The following LRP2 variants were observed in gnomAD, a reference collection of about 807,000 sequenced individuals.
The protein encoded by LRP2 is LDL receptor related protein 2.
In LRP2, 172 loss-of-function variants were observed where a neutral mutation model predicts 531.0. The observed-to-expected ratio is 0.32, with a 90% CI of 0.29 to 0.37. The LOEUF is 0.37. LRP2 is among the 10% of genes least tolerant of loss of function. The pLI is 1.00. For missense variants in LRP2, 5,167 were observed against 5,868.3 expected (o/e 0.88, Z 3.90); for synonymous variants, 1,992 against 2,027.6 (o/e 0.98, Z 0.47).
intron 1 of LRP2, among the ~76,000 whole-genome samples, chr2:169,343,195 C>A (rs545203192): frequency 2.0e-5 from 3 of 152,264 alleles, no homozygotes; most frequent in African/African-American, 7.2e-5. Flanking sequence ...CCAGGTCCAC[C>A]AACGTTTGAA....
At chr2:169,316,719 A>C (rs1376742200) in intron 3 of LRP2, among the ~76,000 whole-genome samples, 1 of 152,152 alleles carries the variant, frequency 6.6e-6, no homozygotes, top group Middle Eastern at 3.2e-3. Context: ...TCATCAGGCC[A>C]CAGAGGGTCA....
chr2:169,289,424 G>C (rs922570807), intron 8 of LRP2, among the ~76,000 whole-genome samples: 5 of 152,118 alleles, frequency 3.3e-5, no homozygotes, highest in Non-Finnish European at 7.3e-5. Flanking sequence ...AGGCACAGTG[G>C]CTCACAACTG....
At chr2:169,160,685 A>AAAAAAAAAAAAAACAAAAAAAAAAC (rs970862922) in intron 63 of LRP2, among the ~76,000 whole-genome samples, 6 of 94,234 alleles carry the variant, frequency 6.4e-5, no homozygotes, top group African/African-American at 1.8e-4. Context: ...ATTTCCTTAA[A>AAAAAAAAAAAAAACAAAAAAAAAAC]AAAAAAAAAA....
At chr2:169,349,234 G>T (rs1307446968) in intron 1 of LRP2, among the ~76,000 whole-genome samples, 2 of 152,160 alleles carry the variant, frequency 1.3e-5, no homozygotes, top group Non-Finnish European at 2.9e-5. Context: ...GAAAGAAGAG[G>T]TCGGGAAAGA....
intron 13 of LRP2, 52 bp from the exon 14 acceptor site, chr2:169,275,290 A>G (rs1413884037): frequency 4.2e-6 from 6 of 1,421,442 alleles, no homozygotes; most frequent in Middle Eastern, 1.8e-4. Flanking sequence ...TTGCTTTATT[A>G]TAATTAAAGC....
chr2:169,328,482 A>G (rs1264407055), intron 1 of LRP2, among the ~76,000 whole-genome samples: 1 of 150,388 alleles, frequency 6.6e-6, no homozygotes, highest in East Asian at 1.9e-4. Flanking sequence ...AAAGAAATAA[A>G]TAAATAAATA....
At chr2:169,254,311 C>A (rs1305971429) in intron 19 of LRP2, among the ~76,000 whole-genome samples, 1 of 82,120 alleles carries the variant, frequency 1.2e-5, no homozygotes, top group South Asian at 8.4e-4. Context: ...TACTATGCAG[C>A]CATAAAAAAT....
intron 41 of LRP2, 128 bp downstream of exon 41, chr2:169,205,351 G>T: frequency 9.8e-7 from 1 of 1,016,976 alleles, no homozygotes; most frequent in Non-Finnish European, 1.5e-6. Flanking sequence ...TCCTAAAACT[G>T]TGATTCTATA....
At chr2:169,359,063 G>T (rs1053502201) in intron 1 of LRP2, among the ~76,000 whole-genome samples, 1 of 151,876 alleles carries the variant, frequency 6.6e-6, no homozygotes, top group African/African-American at 2.4e-5. Flanking sequence ...TACTTTAAGG[G>T]TTGATAAATA....
chr2:169,272,444 A>G (rs572043031), intron 15 of LRP2, among the ~76,000 whole-genome samples: 2 of 152,286 alleles, frequency 1.3e-5, no homozygotes, highest in South Asian at 2.1e-4. Context: ...AGAAAAAATA[A>G]GCCAGATAAG....
intron 1 of LRP2, among the ~76,000 whole-genome samples, chr2:169,322,462 G>A (rs1194455279): frequency 6.6e-6 from 1 of 152,066 alleles, no homozygotes; most frequent in Non-Finnish European, 1.5e-5. Context: ...GGTGGTTGGT[G>A]GTGCAGGTCT....
intron 34 of LRP2, among the ~76,000 whole-genome samples, chr2:169,217,758 T>C (rs533920649): frequency 6.6e-6 from 1 of 152,322 alleles, no homozygotes; most frequent in Non-Finnish European, 1.5e-5. Flanking sequence ...CAAGTCATTC[T>C]ACTTCATAAA....
In LRP2 at chr2:169,233,484, G is replaced by A. The variant is rs771141397; in HGVS notation, c.5025C>T (p.Asn1675=). 2.5e-6 allele frequency: 4 copies of A among 1,614,122 alleles called. No homozygotes were observed. Among genetic ancestry groups the A allele is most frequent in the Non-Finnish European group, 3.4e-6 (4 of 1,180,030 alleles). The change falls in exon 30 of 79, where the codon AAC becomes AAT. Residue 1675 remains asparagine, a synonymous_variant. Coordinates refer to ENST00000649046, the MANE Select transcript of LRP2 (RefSeq NM_004525.3). The part of the protein sequence containing the change: ...VMRANKWHGG[N]QSVVMYNIQW... Reference sequence around the variant, plus strand: ...GAATATTATACATTACAACTGACTGGTTCCCTCCATGCCACTTGTTGGCTC... The same window carrying A: ...GAATATTATACATTACAACTGACTGATTCCCTCCATGCCACTTGTTGGCTC...
intron 53 of LRP2, among the ~76,000 whole-genome samples, chr2:169,177,060 T>C (rs1009920065): frequency 6.6e-6 from 1 of 152,214 alleles, no homozygotes; most frequent in Non-Finnish European, 1.5e-5. Context: ...GAATATTTGC[T>C]TGAACTTCTA....
chr2:169,285,744 A>T (rs1683839466), intron 9 of LRP2, among the ~76,000 whole-genome samples: 1 of 152,220 alleles, frequency 6.6e-6, no homozygotes, highest in South Asian at 2.1e-4. Context: ...TCAATCAGAA[A>T]CAATGAGCCC....
In LRP2 at chr2:169,254,268, A is replaced by G. The variant is rs1187762092; in HGVS notation, c.2770+1838T>C. ...CAAATGTCCAACAATGATAGACTGG[A>G]TTAAGAAAACGTGGCACATATACAC... is the stretch of plus-strand genomic sequence containing the variant. On this transcript the variant is annotated intron_variant, in intron 19 of 78. Coordinates refer to ENST00000649046, the MANE Select transcript of LRP2 (RefSeq NM_004525.3). Among the ~76,000 whole-genome samples the G allele has an allele frequency of 2.6e-5, 2 of 78,218 alleles. 1 individual carries two copies. Among genetic ancestry groups the G allele is most frequent in the Non-Finnish European group, 4.6e-5 (2 of 43,564 alleles). 51.3% of individuals were successfully genotyped at this position (78,218 alleles called of 152,430 possible). A position where few individuals can be genotyped will look rare whatever the true frequency, so the allele number is the denominator to read the frequency against.
chr2:169,206,398 G>A lies in LRP2; in HGVS notation c.7322C>T (p.Ser2441Phe), dbSNP rs770348937. ...DRIYFTQNLASGVGQISYATL... is the reference protein window; with the variant it reads ...DRIYFTQNLAFGVGQISYATL... Reference sequence around the variant, plus strand: ...GGCATAGGAAATCTGTCCAACTCCAGAGGCTAAATTTTGTGTGAAGTAGAT... The same window carrying A: ...GGCATAGGAAATCTGTCCAACTCCAAAGGCTAAATTTTGTGTGAAGTAGAT... The change falls in exon 39 of 79, where the codon TCT (serine) becomes TTT (phenylalanine). Residue 2441 changes from serine (S) to phenylalanine (F), a missense_variant. Coordinates refer to ENST00000649046, the MANE Select transcript of LRP2 (RefSeq NM_004525.3). 1 of 1,614,180 alleles carries A rather than the reference G, an allele frequency of 6.2e-7. No homozygotes were observed.
chr2:169,324,630 GAAA>G (rs11324299), intron 1 of LRP2, among the ~76,000 whole-genome samples: 7 of 141,530 alleles, frequency 4.9e-5, no homozygotes, highest in African/African-American at 5.1e-5. Context: ...AAAGCTAGGG[GAAA>G]AAAAAAAAAA....
chr2:169,314,574 T>C (rs895999297), intron 3 of LRP2, among the ~76,000 whole-genome samples: 3 of 152,244 alleles, frequency 2.0e-5, no homozygotes, highest in African/African-American at 7.2e-5. Context: ...ATTGATTATA[T>C]CTTCCTTGTC....
Sources: gnomAD v4.1 joint callset for allele counts (sites outside exome capture counted in the v4.1 genomes callset) on GRCh38, gnomAD v4.1.1 for gene constraint, MANE v1.5 for transcripts, NCBI Gene and HGNC (gene_info 2026-07-23, HGNC 2026-07-21) for gene names.